The following RTP5 variants were observed in gnomAD, a reference collection of about 807,000 sequenced individuals.
The protein encoded by RTP5 is receptor transporter protein 5 (putative), also known as receptor-transporting protein 5.
RTP5 carries 30 observed loss-of-function variants against 23.5 expected under a neutral mutation model. That is an observed-to-expected ratio of 1.27 (90% confidence interval 0.95 to 1.73). RTP5 has a LOEUF of 1.73. RTP5 is among the 40% of genes most tolerant of loss of function. The pLI, the probability that RTP5 is intolerant of heterozygous loss-of-function variation, is 0.00. For synonymous variants in RTP5, 354 were observed against 342.1 expected (o/e 1.03, Z -0.38); for missense variants, 807 against 784.2 (o/e 1.03, Z -0.35).
At position 241,872,906 on chromosome 2, in the gene RTP5, G is replaced by T. The variant is rs770909126; in HGVS notation, c.1351G>T (p.Ala451Ser). 1.2e-6 allele frequency: 2 copies of T among 1,612,896 alleles called. No individual in the cohort carries two copies. The highest frequency in any genetic ancestry group is 1.7e-6 in the Non-Finnish European group (2 of 1,179,990). ...AGAGAAGGAAGGTGGCCTGGTCACC[G>T]CGGGTCACGACGCCCCTCTGGAGGC... is the stretch of plus-strand genomic sequence containing the variant. Reference protein sequence around the residue: ...GKEKEGGLVTAGHDAPLEANA... With the variant: ...GKEKEGGLVTSGHDAPLEANA... Residue 451 changes from alanine to serine, a missense_variant, in exon 2 of 2, where the codon GCG (alanine) becomes TCG (serine). By Grantham distance (99) the Ala-to-Ser change is moderately conservative. Transcript: ENST00000343216.
intron 1 of RTP5, among the ~76,000 whole-genome samples, chr2:241,870,745 G>A (rs932389418): frequency 5.3e-5 from 8 of 152,254 alleles, no homozygotes; most frequent in African/African-American, 1.7e-4. Flanking sequence ...GGCTCTGAGC[G>A]GCTCCCAGCT....
chr2:241,873,157 T>G lies in RTP5; in HGVS notation c.1602T>G (p.Arg534=). 6.2e-7 allele frequency: 1 copy of G among 1,612,158 alleles called. No individual in the cohort carries two copies. Among genetic ancestry groups the G allele is most frequent in the Non-Finnish European group, 8.5e-7 (1 of 1,179,884 alleles). ...ACGAGCGCCCTGGCCGTGCCTGCCG[T>G]AGGCCGCACGCCGAGCCCTACGAGG... ...EEDERPGRAC[R]RPHAEPYEDF... Residue 534 remains arginine, a synonymous_variant, in exon 2 of 2, where the codon CGT becomes CGG. Transcript: ENST00000343216.
intron 1 of RTP5, among the ~76,000 whole-genome samples, chr2:241,870,259 C>T (rs952972751): frequency 6.6e-6 from 1 of 152,246 alleles, no homozygotes; most frequent in African/African-American, 2.4e-5. Flanking sequence ...GACAGGTGGG[C>T]CCTGGGGCGT....
chr2:241,870,238 C>T (rs1313460924), intron 1 of RTP5, among the ~76,000 whole-genome samples: 2 of 152,242 alleles, frequency 1.3e-5, no homozygotes, highest in Admixed American at 6.5e-5. Flanking sequence ...GGTCTCGCAG[C>T]CATCAGTGCT....
chr2:241,872,802 A>C lies in RTP5; in HGVS notation c.1247A>C (p.Gln416Pro). 6.2e-7 allele frequency: 1 copy of C among 1,609,244 alleles called. No individual in the cohort carries two copies. ...ACCAATGCTGGTGGCCTCCCCTCCC[A>C]GGTCAAGGGCTCCCTTGCCCTCCCC... ...PETNAGGLPS[Q>P]VKGSLALPFP... The change falls in exon 2 of 2, where the codon CAG (glutamine) becomes CCG (proline). Residue 416 changes from glutamine (Q) to proline (P), a missense_variant. Gln to Pro is a moderately conservative substitution (Grantham distance 76, BLOSUM62 -1). Coordinates refer to ENST00000343216, the MANE Select transcript of RTP5 (RefSeq NM_173821.3).
In RTP5 at chr2:241,872,413, G is replaced by C; in HGVS notation, c.858G>C (p.Lys286Asn). 3 of 1,612,074 alleles carry C rather than the reference G, an allele frequency of 1.9e-6. No homozygotes were observed. The highest frequency in any genetic ancestry group is 2.5e-6 in the Non-Finnish European group (3 of 1,179,734). Residue 286 changes from lysine (K) to asparagine (N), a missense_variant, in exon 2 of 2, where the codon AAG (lysine) becomes AAC (asparagine). Lys to Asn is a moderately conservative substitution (Grantham distance 94). Coordinates refer to ENST00000343216, the MANE Select transcript of RTP5 (RefSeq NM_173821.3). ...LGSSIQTFEL[K>N]GFLFKGRGSL... ...GCAGCATCCAGACCTTCGAGCTCAAGGGCTTCCTCTTCAAAGGCCGGGGCT... is the reference window on the plus strand; with the variant it reads ...GCAGCATCCAGACCTTCGAGCTCAACGGCTTCCTCTTCAAAGGCCGGGGCT...
In RTP5 at chr2:241,870,805, G is replaced by A. The variant is rs111563274; in HGVS notation, c.158+891G>A. Among the ~76,000 whole-genome samples, 425 of 152,328 alleles carry A rather than the reference G, an allele frequency of 2.8e-3. 2 individuals are homozygous for A. The highest frequency in any genetic ancestry group is 3.1e-3 in the Non-Finnish European group (211 of 68,018). On this transcript the variant is annotated intron_variant, in intron 1 of 1. Transcript: ENST00000343216. Reference sequence around the variant, plus strand: ...GCCCCAACATGCAGCCCCAGCGCCCGTGGCTTTGGCTCCTCAGTCCCATTT... The same window carrying A: ...GCCCCAACATGCAGCCCCAGCGCCCATGGCTTTGGCTCCTCAGTCCCATTT...
Position 241,873,263 on chromosome 2 carries a change from C to G in RTP5, c.1708C>G (p.Gln570Glu). The G allele has an allele frequency of 6.3e-7, 1 of 1,577,882 alleles. No homozygotes were observed. Among genetic ancestry groups the G allele is most frequent in the Non-Finnish European group, 8.6e-7 (1 of 1,165,206 alleles). ...MCRLNPGIYP[Q>E]QV ...TCGGCTGAACCCCGGGATCTACCCG[C>G]AGCAAGTGTGACGCCCCGAAGTTCA... Residue 570 changes from glutamine (Q) to glutamate (E), a missense_variant, in exon 2 of 2, where the codon CAG (glutamine) becomes GAG (glutamate). Coordinates refer to ENST00000343216, the MANE Select transcript of RTP5 (RefSeq NM_173821.3).
chr2:241,870,986 T>C (rs1327581366), intron 1 of RTP5: 3 of 471,020 alleles, frequency 6.4e-6, no homozygotes, highest in East Asian at 6.9e-5. Flanking sequence ...CTCTCACTCA[T>C]GCAGGGTTCC....
chr2:241,869,935 C>T, intron 1 of RTP5, 21 bp downstream of exon 1: 1 of 1,477,068 alleles, frequency 6.8e-7, no homozygotes, highest in Non-Finnish European at 8.9e-7. Flanking sequence ...AGGTTGGGGA[C>T]CCTGGGAGAG....
At position 241,869,879 on chromosome 2, in the gene RTP5, C is replaced by A; in HGVS notation, c.123C>A (p.Gly41=). ...GCCTGGTCCCGGGATGCCTGGACGG[C>A]GGTGGTGTCCAGTACCTGCTGGTGG... is the stretch of plus-strand genomic sequence containing the variant. ...EHSLVPGCLD[G]GGVQYLLVGL... is the part of the protein sequence containing the mutation. Residue 41 remains glycine (G), a synonymous_variant, in exon 1 of 2, where the codon GGC becomes GGA. Transcript: ENST00000343216. The A allele has an allele frequency of 6.3e-7, 1 of 1,580,776 alleles. No individual in the cohort carries two copies. Among genetic ancestry groups the A allele is most frequent in the Non-Finnish European group, 8.6e-7 (1 of 1,165,856 alleles).
rs1163145195 is a variant in RTP5, at chr2:241,872,587, C to T, written c.1032C>T (p.Ser344=). 5 of 1,537,458 alleles carry T rather than the reference C, an allele frequency of 3.3e-6. No homozygotes were observed. Among genetic ancestry groups the T allele is most frequent in the Non-Finnish European group, 4.4e-6 (5 of 1,142,952 alleles). ...AGGGCTCCCTCACCTTCCCCTCCTC[C>T]CTCACCAGCATCTTCACCAACACCC... ...SGEGSLTFPS[S]LTSIFTNTLS... The change falls in exon 2 of 2, where the codon TCC becomes TCT. Residue 344 remains serine (S), a synonymous_variant. Coordinates refer to ENST00000343216, the MANE Select transcript of RTP5 (RefSeq NM_173821.3).
chr2:241,871,453 G>A (rs1050370766), intron 1 of RTP5, among the ~76,000 whole-genome samples: 2 of 152,342 alleles, frequency 1.3e-5, no homozygotes, highest in South Asian at 2.1e-4. Flanking sequence ...GGGCTAGTGC[G>A]CATGGGCCTG....
At position 241,871,753 on chromosome 2, in the gene RTP5, C is replaced by T. The variant is rs369277961; in HGVS notation, c.198C>T (p.Ala66=). Residue 66 remains alanine, a synonymous_variant, in exon 2 of 2, where the codon GCC becomes GCT. Transcript: ENST00000343216. ...ACTGTCCGGGGACCTGGGACTCGGC[C>T]CATGTGCACGTCCTCTTCCACCTGT... ...CGHCPGTWDS[A]HVHVLFHLWW... is the part of the protein sequence containing the mutation. The T allele has an allele frequency of 8.1e-6, 13 of 1,602,196 alleles. 1 individual carries two copies. The South Asian group carries it at 1.5e-4, about 18-fold the overall frequency.
chr2:241,871,286 C>G (rs749049228), intron 1 of RTP5: 2 of 349,266 alleles, frequency 5.7e-6, no homozygotes, highest in Non-Finnish European at 1.1e-5. Flanking sequence ...GCAGGCCTGC[C>G]TCTTCCTGTG....
rs374243266 is a variant in RTP5 at position 241,873,134 on chromosome 2, G to A, written c.1579G>A (p.Glu527Lys). ...CTGTGGGTGCCGCCGGGAGGAAGACGAGCGCCCTGGCCGTGCCTGCCGTAG... is the reference window on the plus strand; with the variant it reads ...CTGTGGGTGCCGCCGGGAGGAAGACAAGCGCCCTGGCCGTGCCTGCCGTAG... ...ARCGCRREED[E>K]RPGRACRRPH... is the part of the protein sequence containing the mutation. Residue 527 changes from glutamate to lysine, a missense_variant, in exon 2 of 2, where the codon GAG becomes AAG. Coordinates refer to ENST00000343216, the MANE Select transcript of RTP5 (RefSeq NM_173821.3). 4.3e-6 allele frequency: 7 copies of A among 1,612,038 alleles called. No homozygotes were observed. The highest frequency in any genetic ancestry group is 5.9e-6 in the Non-Finnish European group (7 of 1,179,936).
Position 241,872,704 on chromosome 2 carries a change from G to C in RTP5, c.1149G>C (p.Glu383Asp). The C allele has an allele frequency of 6.2e-7, 1 of 1,601,144 alleles. No individual in the cohort carries two copies. The highest frequency in any genetic ancestry group is 8.5e-7 in the Non-Finnish European group (1 of 1,173,598). ...CTGATGTCAAGGATGCCGTTGCTGA[G>C]GTGGCTGAAGGCAACGGGAAGGAAG... ...IFTDVKDAVA[E>D]VAEGNGKEGG... is the part of the protein sequence containing the mutation. The change falls in exon 2 of 2, where the codon GAG becomes GAC. Residue 383 changes from glutamate (E) to aspartate (D), a missense_variant. By Grantham distance (45) the Glu-to-Asp change is conservative. Transcript: ENST00000343216.
At position 241,872,149 on chromosome 2, in the gene RTP5, T is replaced by G. The variant is rs780546648; in HGVS notation, c.594T>G (p.Gly198=). The change falls in exon 2 of 2, where the codon GGT becomes GGG. Residue 198 remains glycine (G), a synonymous_variant. Transcript: ENST00000343216. ...LSTPGDDLGK[G]GVVIAIPFSL... ...CCCCTGGCGACGACCTTGGCAAGGG[T>G]GGCGTTGTCATCGCCATCCCCTTCT... 6.2e-7 allele frequency: 1 copy of G among 1,611,430 alleles called. No homozygotes were observed. Among genetic ancestry groups the G allele is most frequent in the East Asian group, 2.2e-5 (1 of 44,836 alleles).
intron 1 of RTP5, among the ~76,000 whole-genome samples, chr2:241,870,724 C>T (rs1025635698): frequency 2.0e-5 from 3 of 152,232 alleles, no homozygotes; most frequent in Non-Finnish European, 4.4e-5. Flanking sequence ...TTCCCACAGC[C>T]AGGTGGAGAT....
Sources: allele counts gnomAD v4.1 joint callset (sites outside exome capture counted in the v4.1 genomes callset), GRCh38; gene constraint gnomAD v4.1.1; transcripts MANE v1.5; gene names NCBI Gene and HGNC (gene_info 2026-07-23, HGNC 2026-07-21).